The following TTC27 variants were observed in gnomAD, a reference collection of about 807,000 sequenced individuals.
TTC27 encodes tetratricopeptide repeat domain 27, also known as tetratricopeptide repeat protein 27.
TTC27 carries 79 observed loss-of-function variants against 115.9 expected under a neutral mutation model. That is an observed-to-expected ratio of 0.68 (90% CI 0.57 to 0.82). The LOEUF is 0.82. Ranked by LOEUF, TTC27 falls within the 40% of genes least tolerant of loss-of-function variation. TTC27 has a pLI of 0.00. For missense variants in TTC27, 1,054 were observed against 993.1 expected (o/e 1.06, Z -0.82); for synonymous variants, 401 against 356.0 (o/e 1.13, Z -1.42).
intron 10 of TTC27, among the ~76,000 whole-genome samples, chr2:32,729,309 T>C (rs1423555230): frequency 6.6e-6 from 1 of 152,254 alleles, no homozygotes; most frequent in East Asian, 1.9e-4. Context: ...CTCCATGTGC[T>C]AATTTTAAAA....
chr2:32,677,028 A>C (rs940624755), intron 8 of TTC27, among the ~76,000 whole-genome samples: 8 of 151,966 alleles, frequency 5.3e-5, no homozygotes, highest in East Asian at 1.9e-4. Flanking sequence ...GCTGAATCTA[A>C]TGTTTGTCAT....
intron 9 of TTC27, among the ~76,000 whole-genome samples, chr2:32,693,954 A>G (rs1666897078): frequency 1.3e-5 from 2 of 152,248 alleles, no homozygotes; most frequent in Non-Finnish European, 2.9e-5. Context: ...AATAAATAAA[A>G]TGAACAACAA....
chr2:32,736,545 A>G (rs1668457580), intron 11 of TTC27, 149 bp from the exon 12 acceptor site: 2 of 821,274 alleles, frequency 2.4e-6, no homozygotes, highest in Admixed American at 3.0e-5. Context: ...TTGAATTATT[A>G]CAAACTTCTA....
At chr2:32,711,643 A>G (rs910040577) in intron 10 of TTC27, among the ~76,000 whole-genome samples, 10 of 152,224 alleles carry the variant, frequency 6.6e-5, no homozygotes, top group Admixed American at 5.2e-4. Flanking sequence ...TGGTAAACTT[A>G]AAACTTGAGG....
chr2:32,769,840 C>A (rs1669768688), intron 13 of TTC27, among the ~76,000 whole-genome samples: 1 of 152,182 alleles, frequency 6.6e-6, no homozygotes, highest in African/African-American at 2.4e-5. Context: ...TGTTAAGACA[C>A]AGACTCCTGC....
chr2:32,717,142 T>G (rs1667780340), intron 10 of TTC27, among the ~76,000 whole-genome samples: 1 of 151,892 alleles, frequency 6.6e-6, no homozygotes, highest in African/African-American at 2.4e-5. Flanking sequence ...CCCAACTAAT[T>G]TGTAATATTT....
At chr2:32,754,828 C>G (rs1669153244) in intron 12 of TTC27, among the ~76,000 whole-genome samples, 1 of 21,022 alleles carries the variant, frequency 4.8e-5, no homozygotes, top group African/African-American at 1.2e-4. Context: ...GGGGGGCTGA[C>G]CCCCCCCACC....
chr2:32,675,791 T>TTTTTG (rs935953046), intron 8 of TTC27, among the ~76,000 whole-genome samples: 10 of 152,052 alleles, frequency 6.6e-5, no homozygotes, highest in African/African-American at 2.2e-4. Flanking sequence ...AATTCTTTTT[T>TTTTTG]TTTTGTTTTG....
chr2:32,806,488 T>C (rs1671131203), intron 16 of TTC27, among the ~76,000 whole-genome samples: 1 of 152,206 alleles, frequency 6.6e-6, no homozygotes, highest in African/African-American at 2.4e-5. Flanking sequence ...ATGATAATAT[T>C]AGCCAGTAAG....
chr2:32,775,571 CAT>C (rs1393309886), intron 13 of TTC27, among the ~76,000 whole-genome samples: 2 of 152,106 alleles, frequency 1.3e-5, no homozygotes, highest in Non-Finnish European at 2.9e-5. Context: ...AAGCAGAGCA[CAT>C]GCATTTTGAG....
chr2:32,679,742 C>G (rs1666350430), intron 9 of TTC27, among the ~76,000 whole-genome samples: 1 of 152,112 alleles, frequency 6.6e-6, no homozygotes, highest in Non-Finnish European at 1.5e-5. Flanking sequence ...CCTGTAATCC[C>G]AGCACTTTGA....
intron 16 of TTC27, among the ~76,000 whole-genome samples, chr2:32,801,660 G>C (rs185971675): frequency 6.6e-6 from 1 of 152,328 alleles, no homozygotes; most frequent in East Asian, 1.9e-4. Context: ...CAGTAGCATT[G>C]AGAACAGCGG....
intron 16 of TTC27, among the ~76,000 whole-genome samples, chr2:32,792,890 C>T (rs1016458799): frequency 5.3e-5 from 8 of 152,294 alleles, no homozygotes; most frequent in East Asian, 3.9e-4. Context: ...TTGGAATTGC[C>T]GCTCCTCTAT....
In TTC27 at chr2:32,815,394, C is replaced by T. The variant is rs375951020; in HGVS notation, c.2309-2063C>T. Among the ~76,000 whole-genome samples the T allele has an allele frequency of 8.6e-5, 13 of 151,780 alleles. No homozygotes were observed. In the East Asian group the frequency reaches 1.2e-3, roughly 14 times the overall value. ...CTGGGACTACAGGCGCCCACCACCA[C>T]GCCCGGCTAATTTTTTGTATTTTTA... On this transcript the variant is annotated intron_variant, in intron 18 of 19. Coordinates refer to ENST00000317907, the MANE Select transcript of TTC27 (RefSeq NM_017735.5).
chr2:32,753,597 G>T (rs60452666), intron 12 of TTC27, among the ~76,000 whole-genome samples: 1 of 151,492 alleles, frequency 6.6e-6, no homozygotes, highest in Non-Finnish European at 1.5e-5. Flanking sequence ...TTACAGGCAT[G>T]TGCCACCGCG....
chr2:32,775,248 A>T (rs1389693947), intron 13 of TTC27, among the ~76,000 whole-genome samples: 1 of 152,110 alleles, frequency 6.6e-6, no homozygotes, highest in East Asian at 1.9e-4. Context: ...CCCGGGCTGG[A>T]GTGCAGTGGC....
At chr2:32,791,716 G>A (rs77141845) in intron 16 of TTC27, among the ~76,000 whole-genome samples, 15 of 152,084 alleles carry the variant, frequency 9.9e-5, no homozygotes, top group African/African-American at 3.4e-4. Context: ...CAGACATAAT[G>A]TGCAGATAAT....
chr2:32,794,460 A>G (rs1191625318), intron 16 of TTC27, among the ~76,000 whole-genome samples: 1 of 152,230 alleles, frequency 6.6e-6, no homozygotes, highest in African/African-American at 2.4e-5. Flanking sequence ...TTGCTAAGGA[A>G]GAAATTTATA....
intron 13 of TTC27, among the ~76,000 whole-genome samples, chr2:32,760,830 C>G (rs113894974): frequency 0.012 from 1,802 of 152,252 alleles, 35 homozygotes; most frequent in African/African-American, 0.04. Flanking sequence ...CTGCAGCGCA[C>G]AGTCTGTTCT....
Sources: allele counts gnomAD v4.1 joint callset (sites outside exome capture counted in the v4.1 genomes callset), GRCh38; gene constraint gnomAD v4.1.1; transcripts MANE v1.5; gene names NCBI Gene and HGNC (gene_info 2026-07-23, HGNC 2026-07-21).